Variants in LRRC8C observed in about 807,000 individuals in gnomAD.
LRRC8C encodes volume-regulated anion channel subunit LRRC8C.
In LRRC8C, 20 loss-of-function variants were observed where a neutral mutation model predicts 55.3. The observed-to-expected ratio is 0.36, with a 90% CI of 0.25 to 0.53. The LOEUF is 0.53. Among genes scored for constraint, LRRC8C ranks in the 20% least tolerant of loss-of-function variants. The probability of loss-of-function intolerance (pLI) is 0.92; values close to 1 mark genes in which losing one functional copy is unlikely to be tolerated. For synonymous variants in LRRC8C, 376 were observed against 360.7 expected, an observed-to-expected ratio of 1.04 and a Z score of -0.48; for missense variants, 659 against 951.4, an observed-to-expected ratio of 0.69 and a Z score of 4.04.
intron 2 of LRRC8C, among the ~76,000 whole-genome samples, chr1:89,698,902 T>C (rs1658241635): frequency 6.6e-6 from 1 of 152,026 alleles, no homozygotes; most frequent in South Asian, 2.1e-4. Context: ...GTGTGTTATT[T>C]CCTGGCCATG....
At chr1:89,680,515 A>G (rs1657675947) in intron 1 of LRRC8C, among the ~76,000 whole-genome samples, 1 of 138,630 alleles carries the variant, frequency 7.2e-6, no homozygotes, top group Non-Finnish European at 1.5e-5. Flanking sequence ...TTGAATTGGT[A>G]GTTGATAAGT....
At position 89,714,185 on chromosome 1, in the gene LRRC8C, C is replaced by T; in HGVS notation, c.1615C>T (p.Arg539Trp). The T allele has an allele frequency of 3.1e-6, 5 of 1,614,028 alleles. No individual in the cohort carries two copies. The highest frequency in any genetic ancestry group is 3.4e-6 in the Non-Finnish European group (4 of 1,180,002). Reference protein sequence around the residue: ...ISRNVTLESLRDLKSLKILSI... With the variant: ...ISRNVTLESLWDLKSLKILSI... ...CAGAAATGTCACCCTTGAGTCTCTG[C>T]GGGATCTCAAAAGCCTTAAAATTCT... is the stretch of plus-strand genomic sequence containing the variant. The change falls in exon 3 of 3, where the codon CGG becomes TGG. Residue 539 changes from arginine (R) to tryptophan (W), a missense_variant. This residue lies in a region of LRRC8C where 344 missense variants were observed against 464.6 expected (regional missense o/e 0.74). Coordinates refer to ENST00000370454, the MANE Select transcript of LRRC8C (RefSeq NM_032270.5). The surrounding 1 kb of genome is among the most constrained non-coding windows in gnomAD (Gnocchi z 4.6).
chr1:89,699,640 T>C (rs1305265559), intron 2 of LRRC8C, among the ~76,000 whole-genome samples: 1 of 152,214 alleles, frequency 6.6e-6, no homozygotes, highest in Non-Finnish European at 1.5e-5. Flanking sequence ...TGCTTTTCCA[T>C]TTCTGTTGGA....
intron 2 of LRRC8C, among the ~76,000 whole-genome samples, chr1:89,688,922 A>G (rs10082021): frequency 0.99 from 150,976 of 152,308 alleles, 74,833 homozygotes; most frequent in Middle Eastern, 1. Context: ...TTGAGTTACT[A>G]GAGATATTGG....
At chr1:89,710,502 AG>A (rs1658621293) in intron 2 of LRRC8C, among the ~76,000 whole-genome samples, 1 of 152,230 alleles carries the variant, frequency 6.6e-6, no homozygotes, top group Non-Finnish European at 1.5e-5. Context: ...ACATAAATAT[AG>A]TGGGTAGGCA....
At chr1:89,650,729 G>A (rs1247266886) in intron 1 of LRRC8C, among the ~76,000 whole-genome samples, 1 of 152,166 alleles carries the variant, frequency 6.6e-6, no homozygotes, top group Non-Finnish European at 1.5e-5. Flanking sequence ...CAAAACACTG[G>A]TGGTGGAAAT....
chr1:89,631,237 A>C (rs2101163764), upstream of LRRC8C, among the ~76,000 whole-genome samples: 1 of 152,290 alleles, frequency 6.6e-6, no homozygotes, highest in Non-Finnish European at 1.5e-5. Flanking sequence ...AGGGATGATA[A>C]GGGGATGTGG....
At chr1:89,652,225 G>C (rs1467907491) in intron 1 of LRRC8C, among the ~76,000 whole-genome samples, 1 of 152,172 alleles carries the variant, frequency 6.6e-6, no homozygotes, top group Non-Finnish European at 1.5e-5. Flanking sequence ...CCATCACAGA[G>C]TGGGTTAGAG....
the LRRC8C span, among the ~76,000 whole-genome samples, chr1:89,623,791 G>A: frequency 6.6e-6 from 1 of 152,160 alleles, no homozygotes; most frequent in Non-Finnish European, 1.5e-5. Flanking sequence ...ATTAGGCCAG[G>A]AATGATTCAG....
rs1658748012 is a variant in LRRC8C at position 89,714,316 on chromosome 1, C to G, written c.1746C>G (p.Leu582=). The G allele has an allele frequency of 6.2e-7, 1 of 1,614,106 alleles. No individual in the cohort carries two copies. Among genetic ancestry groups the G allele is most frequent in the East Asian group, 2.2e-5 (1 of 44,886 alleles). The part of the protein sequence containing the change: ...IHNDGTKLVM[L]NNLKKMTNLT... ...ATGATGGCACCAAGCTGGTGATGCT[C>G]AACAACTTAAAGAAGATGACCAATC... The change falls in exon 3 of 3, where the codon CTC becomes CTG. Residue 582 remains leucine, a synonymous_variant. Coordinates refer to ENST00000370454, the MANE Select transcript of LRRC8C (RefSeq NM_032270.5). The surrounding 1 kb of genome is among the most constrained non-coding windows in gnomAD (Gnocchi z 4.6).
chr1:89,676,626 A>G (rs1230357013), intron 1 of LRRC8C, among the ~76,000 whole-genome samples: 11 of 152,150 alleles, frequency 7.2e-5, no homozygotes, highest in South Asian at 2.1e-4. Context: ...TTTTAGTGTA[A>G]CCAATTTGTA....
the LRRC8C span, among the ~76,000 whole-genome samples, chr1:89,617,156 A>T: frequency 3.9e-5 from 6 of 152,222 alleles, no homozygotes. Flanking sequence ...TAGACAGAGC[A>T]GAGAAATCCA....
intron 1 of LRRC8C, among the ~76,000 whole-genome samples, chr1:89,660,548 T>A (rs886597155): frequency 2.0e-5 from 3 of 152,208 alleles, no homozygotes; most frequent in African/African-American, 7.2e-5. Flanking sequence ...AGATGTTCCC[T>A]AATAAATTTC....
chr1:89,643,986 C>A (rs1656543841), intron 1 of LRRC8C, among the ~76,000 whole-genome samples: 1 of 152,070 alleles, frequency 6.6e-6, no homozygotes, highest in Admixed American at 6.5e-5. Flanking sequence ...AAAAAGATAA[C>A]CTACAAATGC....
At chr1:89,634,459 C>T (rs1047561766) in intron 1 of LRRC8C, among the ~76,000 whole-genome samples, 1 of 152,136 alleles carries the variant, frequency 6.6e-6, no homozygotes, top group Non-Finnish European at 1.5e-5. Flanking sequence ...GAAACGTAGC[C>T]TTAACCAACA....
At chr1:89,698,371 G>A (rs142798461) in intron 2 of LRRC8C, among the ~76,000 whole-genome samples, 90 of 152,164 alleles carry the variant, frequency 5.9e-4, no homozygotes, top group African/African-American at 1.7e-3. Flanking sequence ...TATTTATTGC[G>A]TACCTACTTT....
Position 89,659,279 on chromosome 1 carries a change from T to G in LRRC8C, c.-5+25957T>G, listed in dbSNP as rs534136412. Among the ~76,000 whole-genome samples the G allele has an allele frequency of 7.2e-5, 11 of 152,264 alleles. No homozygotes were observed. In the East Asian group the frequency reaches 1.2e-3, roughly 16 times the overall value. On this transcript the variant is annotated intron_variant, in intron 1 of 2. Coordinates refer to ENST00000370454, the MANE Select transcript of LRRC8C (RefSeq NM_032270.5). ...CTTTCCTCCTAACTAATTCCTATAT[T>G]CATTCAAGAAGGAATTCAACTCAGT...
the LRRC8C span, among the ~76,000 whole-genome samples, chr1:89,616,270 C>T: frequency 1.3e-5 from 2 of 152,134 alleles, no homozygotes; most frequent in Non-Finnish European, 1.5e-5. Context: ...ATTTTGAGCC[C>T]ACTAGCAGGT....
Position 89,659,226 on chromosome 1 carries a change from A to G in LRRC8C, c.-5+25904A>G, listed in dbSNP as rs555330836. Among the ~76,000 whole-genome samples the G allele has an allele frequency of 2.0e-5, 3 of 152,030 alleles. No homozygotes were observed. In the South Asian group the frequency reaches 6.2e-4, roughly 32 times the overall value. On this transcript the variant is annotated intron_variant, in intron 1 of 2. Transcript: ENST00000370454. Reference sequence around the variant, plus strand: ...TGTCAGCCCAGCTATCCCAGTTTTTATGAAACACTTCTGTAAAGGAAAATA... The same window carrying G: ...TGTCAGCCCAGCTATCCCAGTTTTTGTGAAACACTTCTGTAAAGGAAAATA...
Sources: gnomAD v4.1 joint callset for allele counts (sites outside exome capture counted in the v4.1 genomes callset) on GRCh38, gnomAD v4.1.1 for gene constraint, gnomAD v4.1.1 regional missense constraint, Gnocchi (gnomAD v3.1) non-coding constraint, MANE v1.5 for transcripts, NCBI Gene and HGNC (gene_info 2026-07-23, HGNC 2026-07-21) for gene names.